Variants in NR2F1-AS1 observed in about 807,000 individuals in gnomAD.
NR2F1-AS1 encodes NR2F1 antisense RNA 1.
At chr5:93,573,015 G>A (rs1427782365) in intron 1 of NR2F1-AS1, among the ~76,000 whole-genome samples, 2 of 152,260 alleles carry the variant, frequency 1.3e-5, no homozygotes, top group African/African-American at 4.8e-5. Flanking sequence ...TGCCAGAGGA[G>A]CCAGGAGGAG....
chr5:93,579,230 C>T lies in NR2F1-AS1; in HGVS notation n.313+1237G>A, dbSNP rs1395112287. Among the ~76,000 whole-genome samples the T allele has an allele frequency of 6.6e-6, 1 of 152,156 alleles. No homozygotes were observed. The highest frequency in any genetic ancestry group is 1.5e-5 in the Non-Finnish European group (1 of 68,024). On this transcript the variant is annotated intron_variant and non_coding_transcript_variant, in intron 1 of 5. Transcript: ENST00000660523. This position sits in a 1 kb window ranked among gnomAD's most constrained non-coding sequence, Gnocchi z 5.1. ...GGATGCCCCGTAGGAGTGCGAGCCG[C>T]TCCCCTCCTCCGAAAAGCCGCGGGC...
At chr5:93,548,872 A>G (rs1456790282) in intron 4 of NR2F1-AS1, among the ~76,000 whole-genome samples, 1 of 152,208 alleles carries the variant, frequency 6.6e-6, no homozygotes, top group Non-Finnish European at 1.5e-5. Context: ...AATCTGCCTC[A>G]AGAAAAATAA....
chr5:93,427,821 T>C (rs1187421814), intron 4 of NR2F1-AS1, among the ~76,000 whole-genome samples: 1 of 152,046 alleles, frequency 6.6e-6, no homozygotes, highest in Admixed American at 6.6e-5. Flanking sequence ...TAGTTTCTGA[T>C]GGCAAAATTC....
At chr5:93,578,131 T>C (rs1165498434) in intron 1 of NR2F1-AS1, among the ~76,000 whole-genome samples, 5 of 152,094 alleles carry the variant, frequency 3.3e-5, no homozygotes, top group Admixed American at 1.3e-4. Flanking sequence ...GAGGATATGT[T>C]AACAGACAGA....
At chr5:93,496,427 A>C (rs1215806245) in intron 4 of NR2F1-AS1, among the ~76,000 whole-genome samples, 3 of 152,198 alleles carry the variant, frequency 2.0e-5, no homozygotes, top group Non-Finnish European at 4.4e-5. Context: ...CCCTTGTAGA[A>C]GGACACACCC....
chr5:93,491,037 TGTGGTG>T (rs376304462), intron 4 of NR2F1-AS1, among the ~76,000 whole-genome samples: 2 of 124,012 alleles, frequency 1.6e-5, no homozygotes, highest in African/African-American at 3.1e-5. Flanking sequence ...TAGTGATAGC[TGTGGTG>T]GTGGTGGTGG....
intron 2 of NR2F1-AS1, among the ~76,000 whole-genome samples, chr5:93,561,331 G>A (rs1355546207): frequency 6.6e-6 from 1 of 152,106 alleles, no homozygotes; most frequent in African/African-American, 2.4e-5. Flanking sequence ...ACTTCTCCTT[G>A]TGCAAGAGAT....
At chr5:93,485,743 C>T (rs1750699563) in intron 4 of NR2F1-AS1, among the ~76,000 whole-genome samples, 1 of 152,020 alleles carries the variant, frequency 6.6e-6, no homozygotes, top group Non-Finnish European at 1.5e-5. Context: ...TACCATTTGA[C>T]CCAGCCATCC....
intron 4 of NR2F1-AS1, among the ~76,000 whole-genome samples, chr5:93,412,793 G>A (rs915098616): frequency 4.6e-5 from 7 of 152,040 alleles, no homozygotes; most frequent in African/African-American, 7.2e-5. Flanking sequence ...ACCACCACTC[G>A]TGACTCTAAA....
chr5:93,517,759 T>C (rs1212565046), intron 4 of NR2F1-AS1, among the ~76,000 whole-genome samples: 1 of 152,132 alleles, frequency 6.6e-6, no homozygotes, highest in Admixed American at 6.6e-5. Context: ...TAATCACATT[T>C]ATTTATATTC....
intron 4 of NR2F1-AS1, among the ~76,000 whole-genome samples, chr5:93,438,347 A>G (rs1323830709): frequency 6.6e-6 from 1 of 152,048 alleles, no homozygotes; most frequent in African/African-American, 2.4e-5. Context: ...TACTTTCTCA[A>G]TCTTCGTACA....
intron 4 of NR2F1-AS1, among the ~76,000 whole-genome samples, chr5:93,503,710 G>A (rs2149887084): frequency 6.6e-6 from 1 of 152,290 alleles, no homozygotes; most frequent in Non-Finnish European, 1.5e-5. Flanking sequence ...TGGGCACAAA[G>A]TCTCCAGTGA....
At chr5:93,483,906 G>C (rs963312559) in intron 4 of NR2F1-AS1, among the ~76,000 whole-genome samples, 1 of 152,036 alleles carries the variant, frequency 6.6e-6, no homozygotes, top group African/African-American at 2.4e-5. Context: ...AGAGAAAAAA[G>C]AATAAAAAGA....
chr5:93,575,012 A>C (rs547024080), intron 1 of NR2F1-AS1, among the ~76,000 whole-genome samples: 5 of 152,370 alleles, frequency 3.3e-5, no homozygotes, highest in African/African-American at 1.2e-4. Flanking sequence ...AATCGCCTGC[A>C]GCCTGGGGGG....
At chr5:93,555,853 T>A (rs1752341629) in intron 2 of NR2F1-AS1, among the ~76,000 whole-genome samples, 1 of 152,324 alleles carries the variant, frequency 6.6e-6, no homozygotes. Flanking sequence ...AATATCAACA[T>A]GTGAAAATAT....
chr5:93,547,903 G>T (rs1314902841), intron 4 of NR2F1-AS1, among the ~76,000 whole-genome samples: 1 of 152,126 alleles, frequency 6.6e-6, no homozygotes, highest in Non-Finnish European at 1.5e-5. Context: ...TATGTAATGT[G>T]AGACACTTGG....
At chr5:93,585,071 C>T (rs780151168), upstream of NR2F1-AS1, 45 of 1,030,444 alleles carry the variant, frequency 4.4e-5, no homozygotes, top group Non-Finnish European at 4.6e-5. Flanking sequence ...ACGACGTGGC[C>T]GGGGGCAACC....
chr5:93,437,554 A>C (rs2149849791), intron 4 of NR2F1-AS1, among the ~76,000 whole-genome samples: 1 of 152,300 alleles, frequency 6.6e-6, no homozygotes, highest in Non-Finnish European at 1.5e-5. Flanking sequence ...CCAGTTCCAT[A>C]GTGTGTTATA....
rs994467662 is a variant in NR2F1-AS1, at chr5:93,470,518, C to CTA, written n.639-74978_639-74977dup. Among the ~76,000 whole-genome samples the CTA allele has an allele frequency of 1.2e-3, 186 of 150,000 alleles. 1 individual carries two copies. The highest frequency in any genetic ancestry group is 3.5e-3 in the African/African-American group (142 of 41,056). On this transcript the variant is annotated intron_variant and non_coding_transcript_variant, in intron 4 of 5. Transcript: ENST00000660523. Reference sequence around the variant, plus strand: ...TAAACAACTCTCAGAAGTAGCATATCTATATATATATATATTACATCTTTG... The same window carrying CTA: ...TAAACAACTCTCAGAAGTAGCATATCTATATATATATATATATTACATCTTTG...
Sources: gnomAD v4.1 joint callset for allele counts (sites outside exome capture counted in the v4.1 genomes callset) on GRCh38, gnomAD v4.1.1 for gene constraint, Gnocchi (gnomAD v3.1) non-coding constraint, MANE v1.5 for transcripts, NCBI Gene and HGNC (gene_info 2026-07-23, HGNC 2026-07-21) for gene names.